The following PRKAA1 variants were observed in gnomAD, a reference collection of about 807,000 sequenced individuals.
The protein encoded by PRKAA1 is protein kinase AMP-activated catalytic subunit alpha 1, also known as 5'-AMP-activated protein kinase catalytic subunit alpha-1.
Under a neutral mutation model 56.9 loss-of-function variants are expected in PRKAA1, and 23 were observed. The observed-to-expected ratio is 0.40, with a 90% confidence interval of 0.29 to 0.57. The LOEUF is 0.57. PRKAA1 is among the 20% of genes least tolerant of loss of function. The pLI is 0.39. For synonymous variants in PRKAA1, 226 were observed against 227.0 expected (o/e 1.00, Z 0.04); for missense variants, 413 against 679.7 (o/e 0.61, Z 4.36).
intron 6 of PRKAA1, among the ~76,000 whole-genome samples, chr5:40,766,499 T>C (rs1743441828): frequency 6.6e-6 from 1 of 152,226 alleles, no homozygotes; most frequent in African/African-American, 2.4e-5. Context: ...CATTTTTGTC[T>C]AATTTAAACT....
intron 1 of PRKAA1, among the ~76,000 whole-genome samples, chr5:40,779,874 C>T (rs1001272788): frequency 6.6e-5 from 10 of 151,746 alleles, no homozygotes; most frequent in African/African-American, 2.4e-4. Context: ...TGATAATGCA[C>T]TTTCATGGAG....
chr5:40,764,824 TC>T lies in PRKAA1; in HGVS notation c.1235del (p.Arg412LysfsTer27), dbSNP rs1462949469. On this transcript the variant is annotated frameshift_variant, in exon 7 of 9. Coordinates refer to ENST00000397128, the MANE Select transcript of PRKAA1 (RefSeq NM_006251.6). LOFTEE classifies it high-confidence loss of function. ...TAATATCATTTGGTCGACTTTGACT[TC>T]TAATTCCTAAATGCCATTTTGCTTT... Reference protein sequence around the residue: ...VRKAKWHLGIRSQSRPNDIMA... With the variant: ...VRKAKWHLGIXSQSRPNDIMA... 3.7e-6 allele frequency: 6 copies of T among 1,614,004 alleles called. No individual in the cohort carries two copies. Among genetic ancestry groups the T allele is most frequent in the Non-Finnish European group, 5.1e-6 (6 of 1,179,962 alleles).
intron 6 of PRKAA1, among the ~76,000 whole-genome samples, chr5:40,766,401 A>G (rs79828393): frequency 0.11 from 16,988 of 151,900 alleles, 1,314 homozygotes; most frequent in Non-Finnish European, 0.17. Context: ...CACAGGGGGG[A>G]AAAAAAAGAA....
rs914887751 is a variant in PRKAA1 at position 40,788,845 on chromosome 5, G to T, written c.127+9218C>A. ...GCATCTCAAAAAAACAAACAAACAA[G>T]CAAAAACAAATAGAGTGAAGAGACA... On this transcript the variant is annotated intron_variant, in intron 1 of 8. Transcript: ENST00000397128. 4.7e-5 allele frequency among the ~76,000 whole-genome samples: 7 copies of T among 149,508 alleles called. 1 individual carries two copies. The highest frequency in any genetic ancestry group is 7.6e-3 in the Middle Eastern group (2 of 264).
intron 2 of PRKAA1, among the ~76,000 whole-genome samples, chr5:40,776,234 A>T (rs139977772): frequency 0.017 from 2,527 of 152,354 alleles, 39 homozygotes; most frequent in Middle Eastern, 0.068. Context: ...TGAAGGAAGA[A>T]ATGAAATGCA....
rs552369318 is a variant in PRKAA1 at position 40,766,462 on chromosome 5, T to A, written c.821+1004A>T. Reference sequence around the variant, plus strand: ...AGTCTTCATCAGAAATGGCTCACTCTAATTTGAGAAGAAAATTTGTCATCG... The same window carrying A: ...AGTCTTCATCAGAAATGGCTCACTCAAATTTGAGAAGAAAATTTGTCATCG... On this transcript the variant is annotated intron_variant, in intron 6 of 8. Transcript: ENST00000397128. 4.2e-3 allele frequency among the ~76,000 whole-genome samples: 637 copies of A among 152,314 alleles called. 4 individuals are homozygous for A. The highest frequency in any genetic ancestry group is 0.015 in the African/African-American group (611 of 41,582).
intron 1 of PRKAA1, among the ~76,000 whole-genome samples, chr5:40,789,718 CA>C (rs1477695177): frequency 1.3e-5 from 2 of 152,154 alleles, no homozygotes; most frequent in East Asian, 3.9e-4. Context: ...TGTTGTATTG[CA>C]TAGCATCATG....
intron 1 of PRKAA1, among the ~76,000 whole-genome samples, chr5:40,789,888 C>T (rs1345872926): frequency 6.6e-6 from 1 of 152,116 alleles, no homozygotes; most frequent in Non-Finnish European, 1.5e-5. Context: ...CACATTGTGC[C>T]CCATAAATAT....
intron 1 of PRKAA1, among the ~76,000 whole-genome samples, chr5:40,785,351 TAC>T (rs1453412196): frequency 6.6e-6 from 1 of 152,118 alleles, no homozygotes; most frequent in Non-Finnish European, 1.5e-5. Context: ...GCGATTCTCC[TAC>T]CTCAGCCTCC....
At chr5:40,797,495 G>C (rs561440340) in intron 1 of PRKAA1, among the ~76,000 whole-genome samples, 2 of 152,186 alleles carry the variant, frequency 1.3e-5, no homozygotes, top group Admixed American at 6.5e-5. Flanking sequence ...CCTTTCCGAC[G>C]ACATGGTCTT....
At chr5:40,785,835 CACACAGAGAGAGAGAGAGAGAGAGAGAG>C (rs1273460172) in intron 1 of PRKAA1, among the ~76,000 whole-genome samples, 2 of 142,030 alleles carry the variant, frequency 1.4e-5, no homozygotes, top group African/African-American at 2.7e-5. Context: ...CACACACACA[CACACAGAGAGAGAGAGAGAGAGAGAGAG>C]AGAGAGAGAG....
intron 6 of PRKAA1, 136 bp downstream of exon 6, chr5:40,767,330 A>C: frequency 1.6e-6 from 1 of 638,870 alleles, no homozygotes; most frequent in Non-Finnish European, 2.5e-6. Flanking sequence ...AAATAAAATA[A>C]ATGTGTCTAT....
At chr5:40,777,062 G>C (rs1263334826) in intron 2 of PRKAA1, 1 of 155,752 alleles carries the variant, frequency 6.4e-6, no homozygotes, top group Non-Finnish European at 1.4e-5. Flanking sequence ...GCCCAAGCTG[G>C]AGTGCAATGG....
intron 1 of PRKAA1, among the ~76,000 whole-genome samples, chr5:40,790,409 A>G (rs766433159): frequency 6.6e-6 from 1 of 152,038 alleles, no homozygotes; most frequent in Non-Finnish European, 1.5e-5. Context: ...CAGCAGTGGG[A>G]GTTATTTAGC....
Position 40,762,552 on chromosome 5 carries a change from A to G in PRKAA1, c.*226T>C. The G allele has an allele frequency of 7.7e-6, 4 of 516,614 alleles. No homozygotes were observed. Among genetic ancestry groups the G allele is most frequent in the South Asian group, 6.6e-5 (3 of 45,430 alleles). 32.0% of individuals were successfully genotyped at this position (516,614 alleles called of 1,614,324 possible). ...GCCTGAGACCTATAATTCACTGTGT[A>G]TATTATGCTATATACATACTGCACA... On this transcript the variant is annotated 3_prime_UTR_variant, in exon 9 of 9. Transcript: ENST00000397128.
At chr5:40,789,505 G>A (rs900373656) in intron 1 of PRKAA1, among the ~76,000 whole-genome samples, 5 of 152,166 alleles carry the variant, frequency 3.3e-5, no homozygotes, top group African/African-American at 7.2e-5. Context: ...TCCCATTACT[G>A]AGTATATATC....
intron 2 of PRKAA1, among the ~76,000 whole-genome samples, chr5:40,776,378 G>A (rs1744005847): frequency 6.6e-6 from 1 of 152,208 alleles, no homozygotes; most frequent in Non-Finnish European, 1.5e-5. Flanking sequence ...TTCATTTTGG[G>A]CCGGGTTGAG....
At chr5:40,790,196 A>G in intron 1 of PRKAA1, 1 of 152,254 alleles carries the variant, frequency 6.6e-6, no homozygotes, top group East Asian at 1.9e-4. Flanking sequence ...CCCTGACAAG[A>G]AAAGGAGGGT....
rs70988809 is a variant in PRKAA1 at position 40,785,837 on chromosome 5, C to CAGAGAGAGAG, written c.128-8252_128-8251insCTCTCTCTCT. Among the ~76,000 whole-genome samples, 182 of 52,410 alleles carry CAGAGAGAGAG rather than the reference C, an allele frequency of 3.5e-3. 2 individuals are homozygous for CAGAGAGAGAG. Among genetic ancestry groups the CAGAGAGAGAG allele is most frequent in the Middle Eastern group, 9.3e-3 (1 of 108 alleles). The allele number at this position is 52,410 out of a possible 152,430, so 34.4% of individuals were successfully genotyped here. ...GAAGAGGAGAGCACACACACACACA[C>CAGAGAGAGAG]ACAGAGAGAGAGAGAGAGAGAGAGA... On this transcript the variant is annotated intron_variant, in intron 1 of 8. Coordinates refer to ENST00000397128, the MANE Select transcript of PRKAA1 (RefSeq NM_006251.6).
Sources: allele counts gnomAD v4.1 joint callset (sites outside exome capture counted in the v4.1 genomes callset), GRCh38; gene constraint gnomAD v4.1.1; transcripts MANE v1.5; gene names NCBI Gene and HGNC (gene_info 2026-07-23, HGNC 2026-07-21).